Variants in MYO5A observed in about 807,000 individuals in gnomAD.
MYO5A encodes the protein myosin VA.
In MYO5A, 98 loss-of-function variants were observed where a neutral mutation model predicts 249.7. The observed-to-expected ratio is 0.39, with a 90% confidence interval of 0.33 to 0.46. MYO5A has a LOEUF of 0.46. Among genes scored for constraint, MYO5A ranks in the 20% least tolerant of loss-of-function variants. The probability of loss-of-function intolerance (pLI) is 0.98; values close to 1 mark genes in which losing one functional copy is unlikely to be tolerated. For synonymous variants in MYO5A, 778 were observed against 810.6 expected, an observed-to-expected ratio of 0.96 and a Z score of 0.68; for missense variants, 1,696 against 2,308.8, an observed-to-expected ratio of 0.73 and a Z score of 5.44.
intron 1 of MYO5A, among the ~76,000 whole-genome samples, chr15:52,440,430 G>T (rs556055551): frequency 7.9e-5 from 12 of 152,132 alleles, no homozygotes; most frequent in Non-Finnish European, 1.3e-4. Context: ...ACAACACCTG[G>T]CTAATTTTTA....
intron 3 of MYO5A, among the ~76,000 whole-genome samples, 199 bp downstream of exon 3, chr15:52,428,199 T>G (rs1364205665): frequency 6.6e-6 from 1 of 152,216 alleles, no homozygotes; most frequent in Non-Finnish European, 1.5e-5. Context: ...CTTTTTATTT[T>G]TAGCAAAATT....
In MYO5A at chr15:52,318,031, C is replaced by T. The variant is rs188335577; in HGVS notation, c.5235-809G>A. On this transcript the variant is annotated intron_variant, in intron 39 of 41. Transcript: ENST00000399233. ...GGCATTATTGTCTTAAAATTCACTACACTTCAATGTAAGTCAGGATGGAAA... is the reference window on the plus strand; with the variant it reads ...GGCATTATTGTCTTAAAATTCACTATACTTCAATGTAAGTCAGGATGGAAA... 3.9e-5 allele frequency among the ~76,000 whole-genome samples: 6 copies of T among 152,332 alleles called. No individual in the cohort carries two copies. The East Asian group carries it at 5.8e-4, about 15-fold the overall frequency.
At chr15:52,447,097 G>A (rs558781572) in intron 1 of MYO5A, among the ~76,000 whole-genome samples, 2 of 152,222 alleles carry the variant, frequency 1.3e-5, no homozygotes, top group African/African-American at 4.8e-5. Context: ...AGGGGTCAGT[G>A]GAGGAATGAT....
intron 1 of MYO5A, among the ~76,000 whole-genome samples, chr15:52,510,310 A>G (rs1230298110): frequency 6.6e-6 from 1 of 152,254 alleles, no homozygotes; most frequent in African/African-American, 2.4e-5. Context: ...AAAATAATTA[A>G]TTTAGCCTCT....
At chr15:52,490,912 G>T (rs563360576) in intron 1 of MYO5A, among the ~76,000 whole-genome samples, 1 of 151,898 alleles carries the variant, frequency 6.6e-6, no homozygotes, top group South Asian at 2.1e-4. Flanking sequence ...GTATAGACGG[G>T]GTCTCACTAT....
At chr15:52,344,906 G>C (rs1269957872) in intron 30 of MYO5A, among the ~76,000 whole-genome samples, 5 of 152,200 alleles carry the variant, frequency 3.3e-5, no homozygotes, top group Non-Finnish European at 7.3e-5. Flanking sequence ...GTGGATGGAA[G>C]AACATTGTGA....
chr15:52,475,351 T>C (rs893276873), intron 1 of MYO5A, among the ~76,000 whole-genome samples: 2 of 152,206 alleles, frequency 1.3e-5, no homozygotes, highest in African/African-American at 2.4e-5. Context: ...CCTGGATTCA[T>C]TGATTTTTTG....
chr15:52,383,900 A>T (rs1433496212), intron 15 of MYO5A, among the ~76,000 whole-genome samples: 1 of 152,228 alleles, frequency 6.6e-6, no homozygotes, highest in Non-Finnish European at 1.5e-5. Flanking sequence ...AAAACTAAGC[A>T]AAGATGGGGT....
chr15:52,430,541 C>A (rs2075504580), intron 2 of MYO5A, among the ~76,000 whole-genome samples: 1 of 152,152 alleles, frequency 6.6e-6, no homozygotes, highest in African/African-American at 2.4e-5. Flanking sequence ...CTATTTTATT[C>A]TAGGACCCTA....
At chr15:52,497,549 G>A (rs929094920) in intron 1 of MYO5A, among the ~76,000 whole-genome samples, 19 of 151,126 alleles carry the variant, frequency 1.3e-4, no homozygotes, top group Non-Finnish European at 3.0e-5. Flanking sequence ...CTGAGCTCAG[G>A]AGTTCGTGAC....
At chr15:52,330,199 G>C in intron 35 of MYO5A, 154 bp downstream of exon 35, 1 of 1,014,436 alleles carries the variant, frequency 9.9e-7, no homozygotes, top group Non-Finnish European at 1.5e-6. Context: ...AAAGTGCTTG[G>C]TGTGGTCAGA....
At chr15:52,458,843 C>A (rs1249973012) in intron 1 of MYO5A, among the ~76,000 whole-genome samples, 1 of 152,024 alleles carries the variant, frequency 6.6e-6, no homozygotes. Context: ...CCATTTTCAA[C>A]TGTCAAATTT....
At chr15:52,517,086 A>G (rs1388727696) in intron 1 of MYO5A, among the ~76,000 whole-genome samples, 1 of 152,230 alleles carries the variant, frequency 6.6e-6, no homozygotes, top group Non-Finnish European at 1.5e-5. Flanking sequence ...CTCAAAACAG[A>G]ATAAAGGTAT....
chr15:52,505,054 G>A, intron 1 of MYO5A: 1 of 524,564 alleles, frequency 1.9e-6, no homozygotes, highest in East Asian at 3.4e-5. Context: ...GGGAGCTGTG[G>A]AGGTAGGAAT....
At chr15:52,394,257 G>T (rs148269756) in intron 11 of MYO5A, among the ~76,000 whole-genome samples, 1 of 152,310 alleles carries the variant, frequency 6.6e-6, no homozygotes, top group African/African-American at 2.4e-5. Context: ...GGTACATGAG[G>T]GCAGTCTCCT....
chr15:52,323,548 T>C, intron 36 of MYO5A, 104 bp from the exon 37 acceptor site: 2 of 774,690 alleles, frequency 2.6e-6, no homozygotes, highest in Non-Finnish European at 4.4e-6. Context: ...GTTACCATTA[T>C]AAACAATTAT....
At chr15:52,434,994 T>C (rs1189141519) in intron 1 of MYO5A, among the ~76,000 whole-genome samples, 1 of 152,186 alleles carries the variant, frequency 6.6e-6, no homozygotes, top group East Asian at 1.9e-4. Context: ...GCATTTGGAT[T>C]TGAGTATGTT....
At position 52,487,723 on chromosome 15, in the gene MYO5A, C is replaced by CAA. The variant is rs57515007; in HGVS notation, c.27+41055_27+41056dup. On this transcript the variant is annotated intron_variant, in intron 1 of 41. Coordinates refer to ENST00000399233, the MANE Select transcript of MYO5A (RefSeq NM_001382347.1). ...TAGATGACAGAACGAGACTCTGTCT[C>CAA]AAAAAAAAAAAAAAAAAAGTTTTAC... is the stretch of plus-strand genomic sequence containing the variant. 2.6e-4 allele frequency among the ~76,000 whole-genome samples: 23 copies of CAA among 87,658 alleles called. 1 individual carries two copies. The highest frequency in any genetic ancestry group is 4.6e-4 in the African/African-American group (11 of 23,936). 57.5% of individuals were successfully genotyped at this position (87,658 alleles called of 152,430 possible). A position where few individuals can be genotyped will look rare whatever the true frequency, so the allele number is the denominator to read the frequency against.
At chr15:52,401,347 G>C (rs1342378830) in intron 9 of MYO5A, among the ~76,000 whole-genome samples, 1 of 152,216 alleles carries the variant, frequency 6.6e-6, no homozygotes, top group Non-Finnish European at 1.5e-5. Flanking sequence ...TGGGACTACA[G>C]GTGTGAGCTA....
Sources: gnomAD v4.1 joint callset for allele counts (sites outside exome capture counted in the v4.1 genomes callset) on GRCh38, gnomAD v4.1.1 for gene constraint, MANE v1.5 for transcripts, NCBI Gene and HGNC (gene_info 2026-07-23, HGNC 2026-07-21) for gene names.